Variants in SLAMF6 observed in about 807,000 individuals in gnomAD.
SLAMF6 encodes NK-T-B-antigen.
SLAMF6 carries 21 observed loss-of-function variants against 38.3 expected under a neutral mutation model. That is an observed-to-expected ratio of 0.55 (90% CI 0.39 to 0.79). The LOEUF is 0.79. Ranked by LOEUF, SLAMF6 falls within the 30% of genes least tolerant of loss-of-function variation. SLAMF6 has a pLI of 0.00. For synonymous variants in SLAMF6, 152 were observed against 146.3 expected, an observed-to-expected ratio of 1.04 and a Z score of -0.28; for missense variants, 341 against 385.3, an observed-to-expected ratio of 0.89 and a Z score of 0.96.
chr1:160,520,889 G>A (rs1654956041), intron 1 of SLAMF6, among the ~76,000 whole-genome samples: 1 of 151,972 alleles, frequency 6.6e-6, no homozygotes, highest in African/African-American at 2.4e-5. Context: ...CCTGCATCAC[G>A]GCTTTTCACA....
At chr1:160,510,555 C>G (rs1243465216) in intron 1 of SLAMF6, among the ~76,000 whole-genome samples, 2 of 152,000 alleles carry the variant, frequency 1.3e-5, no homozygotes, top group Non-Finnish European at 2.9e-5. Flanking sequence ...TAAATAAAAA[C>G]ACTTTAGAAT....
rs1652972549 is a variant in SLAMF6, at chr1:160,486,591, T to C, written c.*116A>G. On this transcript the variant is annotated 3_prime_UTR_variant, in exon 8 of 8. Transcript: ENST00000368057. The stretch of plus-strand genomic sequence containing the variant: ...AGGACTGGAGGTGATCATCCTATCC[T>C]AGATATTCAAATTCTGTTGCCAGGA... The C allele has an allele frequency of 1.9e-6, 2 of 1,079,520 alleles. No individual in the cohort carries two copies. Among genetic ancestry groups the C allele is most frequent in the African/African-American group, 1.6e-5 (1 of 63,830 alleles). The allele number at this position is 1,079,520 out of a possible 1,614,324, so 66.9% of individuals were successfully genotyped here.
intron 1 of SLAMF6, among the ~76,000 whole-genome samples, chr1:160,513,160 A>T (rs1475201988): frequency 6.6e-6 from 1 of 152,222 alleles, no homozygotes; most frequent in African/African-American, 2.4e-5. Context: ...CAGCTTAGAG[A>T]GGAACATAAA....
chr1:160,515,950 A>G (rs142067951), intron 1 of SLAMF6, among the ~76,000 whole-genome samples: 3,672 of 152,246 alleles, frequency 0.024, 76 homozygotes, highest in African/African-American at 0.056. Flanking sequence ...GCATAAGACA[A>G]GGATGCCCTC....
Position 160,486,713 on chromosome 1 carries a change from G to T in SLAMF6, c.993C>A (p.Val331=). Residue 331 remains valine (V), a synonymous_variant, in exon 8 of 8, where the codon GTC becomes GTA. Coordinates refer to ENST00000368057, the MANE Select transcript of SLAMF6 (RefSeq NM_001184714.2). The part of the protein sequence containing the change: ...TFSRATALDN[V]V ...TCTGAGGCCTTTCAGCAACTTACAC[G>T]ACATTGTCAAGGGCAGTTGCCCTGG... 6.2e-7 allele frequency: 1 copy of T among 1,613,702 alleles called. No homozygotes were observed. The highest frequency in any genetic ancestry group is 1.1e-5 in the South Asian group (1 of 91,030).
rs1653280801 is a variant in SLAMF6, at chr1:160,491,246, AC to A, written c.524del (p.Ser175IlefsTer22). 6.2e-7 allele frequency: 1 copy of A among 1,613,970 alleles called. No homozygotes were observed. Among genetic ancestry groups the A allele is most frequent in the Non-Finnish European group, 8.5e-7 (1 of 1,179,980 alleles). ...RWEALGNTLS[S>X]QPNLTVSWDP... ...CCCAGGAGACAGTGAGGTTTGGCTGACTTGAAAGTGTGTTTCCCAAGGCCTC... is the reference window on the plus strand; with the variant it reads ...CCCAGGAGACAGTGAGGTTTGGCTGATTGAAAGTGTGTTTCCCAAGGCCTC... On this transcript the variant is annotated frameshift_variant, in exon 3 of 8. Coordinates refer to ENST00000368057, the MANE Select transcript of SLAMF6 (RefSeq NM_001184714.2). LOFTEE classifies it high-confidence loss of function.
At chr1:160,511,653 G>A (rs1654477968) in intron 1 of SLAMF6, among the ~76,000 whole-genome samples, 1 of 152,082 alleles carries the variant, frequency 6.6e-6, no homozygotes, top group African/African-American at 2.4e-5. Context: ...TTTTTGATTT[G>A]GGAATGGATT....
chr1:160,522,857 T>G (rs1477278504), intron 1 of SLAMF6, among the ~76,000 whole-genome samples: 7 of 152,210 alleles, frequency 4.6e-5, no homozygotes, highest in Admixed American at 4.6e-4. Flanking sequence ...ATGCTGGTCA[T>G]AAACCACAAA....
intron 2 of SLAMF6, among the ~76,000 whole-genome samples, chr1:160,492,286 T>G (rs1653344527): frequency 6.6e-6 from 1 of 152,166 alleles, no homozygotes; most frequent in African/African-American, 2.4e-5. Flanking sequence ...AGTAGTACTT[T>G]GAGCTTAGTT....
intron 2 of SLAMF6, among the ~76,000 whole-genome samples, chr1:160,492,511 A>G (rs1653357651): frequency 6.6e-6 from 1 of 152,202 alleles, no homozygotes; most frequent in African/African-American, 2.4e-5. Flanking sequence ...AATAAATGAG[A>G]CAGTGCCTAG....
Position 160,486,704 on chromosome 1 carries a change from A to G in SLAMF6, c.*3T>C. 6.2e-7 allele frequency: 1 copy of G among 1,613,768 alleles called. No individual in the cohort carries two copies. Among genetic ancestry groups the G allele is most frequent in the East Asian group, 2.2e-5 (1 of 44,856 alleles). On this transcript the variant is annotated 3_prime_UTR_variant, in exon 8 of 8. Coordinates refer to ENST00000368057, the MANE Select transcript of SLAMF6 (RefSeq NM_001184714.2). ...CCGAATTCCTCTGAGGCCTTTCAGC[A>G]ACTTACACGACATTGTCAAGGGCAG...
At chr1:160,510,602 G>A (rs888907537) in intron 1 of SLAMF6, among the ~76,000 whole-genome samples, 3 of 152,036 alleles carry the variant, frequency 2.0e-5, no homozygotes, top group Non-Finnish European at 4.4e-5. Context: ...TCTGATAAAA[G>A]GCATTTATGA....
rs774147880 is a variant in SLAMF6 at position 160,491,205 on chromosome 1, C to T, written c.566G>A (p.Ser189Asn). Residue 189 changes from serine to asparagine, a missense_variant, in exon 3 of 8, where the codon AGT (serine) becomes AAT (asparagine). Transcript: ENST00000368057. ...LTVSWDPRISSEQDYTCIAEN... is the reference protein window; with the variant it reads ...LTVSWDPRISNEQDYTCIAEN... ...TGCTATGCAGGTGTAGTCCTGTTCA[C>T]TGGAAATCCTGGGGTCCCAGGAGAC... is the stretch of plus-strand genomic sequence containing the variant. 6.2e-7 allele frequency: 1 copy of T among 1,614,080 alleles called. No homozygotes were observed. Among genetic ancestry groups the T allele is most frequent in the South Asian group, 1.1e-5 (1 of 91,086 alleles).
At chr1:160,486,885 A>G in intron 7 of SLAMF6, 131 bp from the exon 8 acceptor site, 2 of 1,086,024 alleles carry the variant, frequency 1.8e-6, no homozygotes, top group Non-Finnish European at 2.7e-6. Flanking sequence ...ATAGGGCAGG[A>G]TTAAATTTAA....
At chr1:160,503,486 C>A (rs1218259426) in intron 1 of SLAMF6, among the ~76,000 whole-genome samples, 1 of 152,020 alleles carries the variant, frequency 6.6e-6, no homozygotes, top group East Asian at 1.9e-4. Flanking sequence ...GCACTTGTAG[C>A]CCAGGAACAG....
intron 1 of SLAMF6, among the ~76,000 whole-genome samples, chr1:160,503,944 G>A (rs1654042174): frequency 6.7e-6 from 1 of 148,396 alleles, no homozygotes; most frequent in African/African-American, 2.5e-5. Context: ...TTTAAACCTG[G>A]GAGGCAGAGG....
At chr1:160,489,511 G>A (rs867808854) in intron 5 of SLAMF6, among the ~76,000 whole-genome samples, 2 of 152,140 alleles carry the variant, frequency 1.3e-5, no homozygotes, top group African/African-American at 2.4e-5. Flanking sequence ...AAACATAATG[G>A]AGCCAGTTAT....
intron 5 of SLAMF6, among the ~76,000 whole-genome samples, chr1:160,489,605 A>G (rs1044968863): frequency 2.0e-5 from 3 of 152,208 alleles, no homozygotes; most frequent in Non-Finnish European, 4.4e-5. Flanking sequence ...GGAGGCTCAG[A>G]AAACTTAACT....
intron 1 of SLAMF6, among the ~76,000 whole-genome samples, chr1:160,496,602 G>C (rs774464996): frequency 2.6e-5 from 4 of 152,144 alleles, no homozygotes; most frequent in Non-Finnish European, 4.4e-5. Context: ...GCCACTCTTG[G>C]TTAGTAGGCA....
Sources: gnomAD v4.1 joint callset for allele counts (sites outside exome capture counted in the v4.1 genomes callset) on GRCh38, gnomAD v4.1.1 for gene constraint, MANE v1.5 for transcripts, NCBI Gene and HGNC (gene_info 2026-07-23, HGNC 2026-07-21) for gene names.